Variants in TCERG1L observed in about 807,000 individuals in gnomAD.
TCERG1L encodes transcription elongation regulator 1-like protein.
In TCERG1L, 37 loss-of-function variants were observed where a neutral mutation model predicts 56.3. That is an observed-to-expected ratio of 0.66 (90% confidence interval 0.51 to 0.87). The LOEUF is 0.87. TCERG1L is among the 40% of genes least tolerant of loss of function. TCERG1L has a pLI of 0.00. For synonymous variants in TCERG1L, 324 were observed against 326.3 expected (o/e 0.99, Z 0.08); for missense variants, 799 against 774.2 (o/e 1.03, Z -0.38).
At chr10:131,282,500 C>G (rs1439571618) in intron 3 of TCERG1L, among the ~76,000 whole-genome samples, 1 of 152,056 alleles carries the variant, frequency 6.6e-6, no homozygotes, top group Non-Finnish European at 1.5e-5. Flanking sequence ...GAAGACAAGA[C>G]CTCCCTCTCT....
chr10:131,093,088 C>G lies in TCERG1L; in HGVS notation c.*74G>C. 4 of 1,531,704 alleles carry G rather than the reference C, an allele frequency of 2.6e-6. No individual in the cohort carries two copies. Among genetic ancestry groups the G allele is most frequent in the Non-Finnish European group, 3.5e-6 (4 of 1,135,150 alleles). 94.9% of individuals were successfully genotyped at this position (1,531,704 alleles called of 1,614,324 possible). The stretch of plus-strand genomic sequence containing the variant: ...GTCTCGGCCGCCCCACGCCCGTGTC[C>G]GTCTCCACCGTGACCCCCTCGCCCC... On this transcript the variant is annotated 3_prime_UTR_variant, in exon 12 of 12. Transcript: ENST00000368642.
intron 4 of TCERG1L, among the ~76,000 whole-genome samples, chr10:131,185,639 T>C (rs1250161653): frequency 6.6e-6 from 1 of 151,464 alleles, no homozygotes; most frequent in Non-Finnish European, 1.5e-5. Flanking sequence ...TGTGAAAAGG[T>C]GCTCAAAATC....
At position 131,298,634 on chromosome 10, in the gene TCERG1L, G is replaced by A. The variant is rs370359841; in HGVS notation, c.670+9577C>T. ...TTGCCATGTTGGCCAGGCTGGTCCC[G>A]AACTCCTGACCTCAGGTGATCTGCC... On this transcript the variant is annotated intron_variant, in intron 3 of 11. Transcript: ENST00000368642. Among the ~76,000 whole-genome samples the A allele has an allele frequency of 9.9e-5, 15 of 152,234 alleles. No homozygotes were observed. In the South Asian group the frequency reaches 1.2e-3, roughly 13 times the overall value.
In TCERG1L at chr10:131,118,777, ATC is replaced by A. The variant is rs1429217041; in HGVS notation, c.1260-1845_1260-1844del. 6.6e-6 allele frequency among the ~76,000 whole-genome samples: 1 copy of A among 152,130 alleles called. No homozygotes were observed. Among genetic ancestry groups the A allele is most frequent in the Non-Finnish European group, 1.5e-5 (1 of 68,030 alleles). On this transcript the variant is annotated intron_variant, in intron 8 of 11. Transcript: ENST00000368642. This position sits in a 1 kb window ranked among gnomAD's most constrained non-coding sequence, Gnocchi z 4.2. The stretch of plus-strand genomic sequence containing the variant: ...CTCCTTTGCAACAGTCTTGAATATA[ATC>A]TGTTTTTACGGCTTTAACTACTGTC...
intron 10 of TCERG1L, among the ~76,000 whole-genome samples, chr10:131,102,648 GC>G (rs929836564): frequency 6.6e-6 from 1 of 152,170 alleles, no homozygotes; most frequent in African/African-American, 2.4e-5. Flanking sequence ...TCTGTTTTCA[GC>G]GGCTCTTCTT....
In TCERG1L at chr10:131,274,621, C is replaced by T. The variant is rs544933688; in HGVS notation, c.671-14177G>A. ...CCCCCTTAGGGCCCAGCTCCCCCAG[C>T]GCGAGGCATTGCTGCTGCATGGCTT... On this transcript the variant is annotated intron_variant, in intron 3 of 11. Coordinates refer to ENST00000368642, the MANE Select transcript of TCERG1L (RefSeq NM_174937.4). Among the ~76,000 whole-genome samples, 301 of 152,308 alleles carry T rather than the reference C, an allele frequency of 2.0e-3. 1 individual carries two copies. The highest frequency in any genetic ancestry group is 6.8e-3 in the African/African-American group (283 of 41,566).
intron 3 of TCERG1L, among the ~76,000 whole-genome samples, chr10:131,269,067 G>A (rs886999622): frequency 4.6e-5 from 7 of 152,174 alleles, no homozygotes; most frequent in Admixed American, 2.0e-4. Flanking sequence ...CTTTCAACAC[G>A]CCTTCTTCAC....
chr10:131,093,652 T>TCCGC (rs1028485410), intron 11 of TCERG1L, among the ~76,000 whole-genome samples: 4 of 152,142 alleles, frequency 2.6e-5, no homozygotes, highest in Non-Finnish European at 4.4e-5. Flanking sequence ...CCAGGTCTCC[T>TCCGC]CCGCCCCTCC....
intron 7 of TCERG1L, among the ~76,000 whole-genome samples, chr10:131,139,022 A>G (rs1845703646): frequency 6.6e-6 from 1 of 152,220 alleles, no homozygotes; most frequent in African/African-American, 2.4e-5. Flanking sequence ...ATGGCCAGCA[A>G]ACCTGTGAAA....
intron 7 of TCERG1L, among the ~76,000 whole-genome samples, chr10:131,138,723 G>A (rs1845701044): frequency 6.6e-6 from 1 of 152,202 alleles, no homozygotes; most frequent in Admixed American, 6.5e-5. Flanking sequence ...CAGAGTTTCT[G>A]CTATGGGTGA....
intron 7 of TCERG1L, among the ~76,000 whole-genome samples, chr10:131,142,369 C>A (rs1845748225): frequency 1.3e-5 from 2 of 152,238 alleles, no homozygotes; most frequent in African/African-American, 4.8e-5. Context: ...TGAGATAGAT[C>A]CAGTGTGCGC....
intron 4 of TCERG1L, among the ~76,000 whole-genome samples, chr10:131,191,864 CAAAA>C (rs59816491): frequency 6.6e-4 from 19 of 28,724 alleles, no homozygotes; most frequent in South Asian, 1.2e-3. Context: ...GACTCCGTCT[CAAAA>C]AAAAAAAAAA....
chr10:131,255,252 G>C (rs1022449490), intron 4 of TCERG1L, among the ~76,000 whole-genome samples: 1 of 152,214 alleles, frequency 6.6e-6, no homozygotes, highest in African/African-American at 2.4e-5. Flanking sequence ...AAGTGAACAA[G>C]ATGGTACCAC....
At chr10:131,256,994 A>AAGGG (rs1554897149) in intron 4 of TCERG1L, among the ~76,000 whole-genome samples, 1 of 69,080 alleles carries the variant, frequency 1.4e-5, no homozygotes, top group African/African-American at 5.4e-5. Flanking sequence ...GGAAGGAAGG[A>AAGGG]AAGAAAGAAA....
intron 7 of TCERG1L, among the ~76,000 whole-genome samples, chr10:131,137,769 T>C (rs1057104352): frequency 6.6e-6 from 1 of 152,190 alleles, no homozygotes; most frequent in Admixed American, 6.5e-5. Context: ...CTAATTATGA[T>C]CCAGACTCAT....
At chr10:131,259,802 A>G (rs1342249714) in intron 4 of TCERG1L, among the ~76,000 whole-genome samples, 7 of 152,234 alleles carry the variant, frequency 4.6e-5, no homozygotes, top group African/African-American at 1.7e-4. Flanking sequence ...TGTCCAGCCC[A>G]GGGCCAGAAG....
chr10:131,201,906 C>G (rs781272905), intron 4 of TCERG1L, among the ~76,000 whole-genome samples: 1 of 152,136 alleles, frequency 6.6e-6, no homozygotes, highest in Admixed American at 6.6e-5. Flanking sequence ...TCCTCAGAGA[C>G]GAGGAAAGAG....
At chr10:131,292,041 T>C (rs1161260009) in intron 3 of TCERG1L, among the ~76,000 whole-genome samples, 2 of 152,216 alleles carry the variant, frequency 1.3e-5, no homozygotes, top group Non-Finnish European at 2.9e-5. Context: ...TTAAGTTGAC[T>C]GTCTCCAGTT....
intron 9 of TCERG1L, among the ~76,000 whole-genome samples, chr10:131,116,222 A>G (rs564875361): frequency 6.6e-6 from 1 of 152,336 alleles, no homozygotes; most frequent in African/African-American, 2.4e-5. Flanking sequence ...AGATTTGGAA[A>G]TCAGCTACAC....
Sources: gnomAD v4.1 joint callset for allele counts (sites outside exome capture counted in the v4.1 genomes callset) on GRCh38, gnomAD v4.1.1 for gene constraint, Gnocchi (gnomAD v3.1) non-coding constraint, MANE v1.5 for transcripts, NCBI Gene and HGNC (gene_info 2026-07-23, HGNC 2026-07-21) for gene names.